MAGI2: variants seen among roughly 807,000 people sequenced by gnomAD.
The protein encoded by MAGI2 is membrane-associated guanylate kinase, WW and PDZ domain-containing protein 2.
In MAGI2, 35 loss-of-function variants were observed where a neutral mutation model predicts 133.3. The ratio of observed to expected loss-of-function variants is 0.26; its 90% CI spans 0.20 to 0.35. MAGI2 has a LOEUF of 0.35. MAGI2 is among the 10% of genes least tolerant of loss of function. MAGI2 has a pLI of 1.00. For synonymous variants in MAGI2, 729 were observed against 710.6 expected (o/e 1.03, Z -0.41); for missense variants, 1,636 against 1,863.4 (o/e 0.88, Z 2.25).
intron 1 of MAGI2, among the ~76,000 whole-genome samples, chr7:79,114,971 G>A (rs971680793): frequency 1.3e-5 from 2 of 152,120 alleles, no homozygotes; most frequent in South Asian, 2.1e-4. Context: ...ATTGCTTCCC[G>A]TTTTTATTAA....
chr7:79,110,179 G>A (rs1248037616), intron 1 of MAGI2, among the ~76,000 whole-genome samples: 1 of 152,084 alleles, frequency 6.6e-6, no homozygotes, highest in Non-Finnish European at 1.5e-5. Context: ...TGCCCAGGCA[G>A]AAGCTTGCTA....
chr7:78,241,170 G>A (rs988913663), intron 10 of MAGI2, among the ~76,000 whole-genome samples: 1 of 151,358 alleles, frequency 6.6e-6, no homozygotes, highest in Non-Finnish European at 1.5e-5. Context: ...AATAAGTCCT[G>A]CAGAGCCAAG....
intron 14 of MAGI2, among the ~76,000 whole-genome samples, chr7:78,171,241 T>C (rs1238252718): frequency 6.6e-6 from 1 of 152,242 alleles, no homozygotes; most frequent in Non-Finnish European, 1.5e-5. Context: ...GACTGGATAA[T>C]CTATGATTGT....
intron 1 of MAGI2, among the ~76,000 whole-genome samples, chr7:79,367,465 G>A (rs1156662796): frequency 6.6e-6 from 1 of 152,112 alleles, no homozygotes; most frequent in Non-Finnish European, 1.5e-5. Context: ...GAGAGTTAAA[G>A]CACAAAGCAT....
chr7:79,033,110 G>A (rs771966174), intron 1 of MAGI2, among the ~76,000 whole-genome samples: 13 of 152,014 alleles, frequency 8.6e-5, no homozygotes, highest in Non-Finnish European at 1.8e-4. Flanking sequence ...TTCTATCTAT[G>A]GAACTCTTCT....
At chr7:78,412,059 T>C (rs1797919090) in intron 6 of MAGI2, among the ~76,000 whole-genome samples, 2 of 152,070 alleles carry the variant, frequency 1.3e-5, no homozygotes, top group Admixed American at 6.6e-5. Flanking sequence ...CTTTAAGGCA[T>C]TGTAAGAGAA....
intron 2 of MAGI2, among the ~76,000 whole-genome samples, chr7:78,888,242 T>G (rs568255993): frequency 6.6e-6 from 1 of 152,286 alleles, no homozygotes; most frequent in South Asian, 2.1e-4. Context: ...AAGCTCGAAT[T>G]GGGTGGAGCC....
rs370058745 is a variant in MAGI2 at position 78,029,877 on chromosome 7, T to C, written c.3707-9901A>G. 5.3e-5 allele frequency among the ~76,000 whole-genome samples: 8 copies of C among 152,312 alleles called. No individual in the cohort carries two copies. In the East Asian group the frequency reaches 1.2e-3, roughly 22 times the overall value. On this transcript the variant is annotated intron_variant, in intron 21 of 21. Coordinates refer to ENST00000354212, the MANE Select transcript of MAGI2 (RefSeq NM_012301.4). Reference sequence around the variant, plus strand: ...GAGATAAAGCACAGGGAAGTTTTGCTGAAGTAAGGGGGTTGGAAGCATCTG... The same window carrying C: ...GAGATAAAGCACAGGGAAGTTTTGCCGAAGTAAGGGGGTTGGAAGCATCTG...
chr7:78,739,452 A>G (rs951693681), intron 2 of MAGI2, among the ~76,000 whole-genome samples: 1 of 152,192 alleles, frequency 6.6e-6, no homozygotes, highest in African/African-American at 2.4e-5. Flanking sequence ...AGGTGCCACT[A>G]CTGAAATGAG....
At chr7:78,258,349 T>C (rs1159659886) in intron 9 of MAGI2, among the ~76,000 whole-genome samples, 1 of 152,200 alleles carries the variant, frequency 6.6e-6, no homozygotes, top group Non-Finnish European at 1.5e-5. Flanking sequence ...TCAGATAGAC[T>C]ATTTTTCTCT....
intron 1 of MAGI2, among the ~76,000 whole-genome samples, chr7:79,067,960 T>C (rs886877206): frequency 2.9e-4 from 44 of 152,204 alleles, no homozygotes; most frequent in African/African-American, 1.0e-3. Flanking sequence ...GAAGCCAACT[T>C]GATCTTGGTG....
chr7:79,397,732 T>A (rs1447286048), intron 1 of MAGI2, among the ~76,000 whole-genome samples: 1 of 152,186 alleles, frequency 6.6e-6, no homozygotes, highest in Non-Finnish European at 1.5e-5. Context: ...TTTCATAAAT[T>A]GCTTCTTCAC....
intron 1 of MAGI2, among the ~76,000 whole-genome samples, chr7:79,303,350 A>T (rs907669934): frequency 2.0e-5 from 3 of 152,208 alleles, no homozygotes; most frequent in Non-Finnish European, 4.4e-5. Context: ...CATACATTCA[A>T]TAATGTTAAA....
chr7:78,210,020 C>G (rs545151770), intron 10 of MAGI2, among the ~76,000 whole-genome samples: 2 of 152,208 alleles, frequency 1.3e-5, no homozygotes, highest in South Asian at 4.1e-4. Flanking sequence ...TGTCTCTGAC[C>G]TTTCATTGTT....
chr7:78,825,960 T>G (rs1305954086), intron 2 of MAGI2, among the ~76,000 whole-genome samples: 3 of 152,226 alleles, frequency 2.0e-5, no homozygotes, highest in East Asian at 3.9e-4. Context: ...TCTCAATAGG[T>G]AAATGGATAA....
chr7:78,559,136 C>CAAAAAAA (rs71085541), intron 3 of MAGI2, among the ~76,000 whole-genome samples: 8 of 54,744 alleles, frequency 1.5e-4, no homozygotes, highest in Non-Finnish European at 2.1e-4. Context: ...TCTGAATTTC[C>CAAAAAAA]AAAAAAAAAA....
intron 2 of MAGI2, among the ~76,000 whole-genome samples, chr7:78,823,346 G>A (rs1790296345): frequency 6.6e-6 from 1 of 152,018 alleles, no homozygotes; most frequent in African/African-American, 2.4e-5. Flanking sequence ...CACTTTGGGA[G>A]GCCGAGGCGG....
chr7:79,346,225 T>C (rs16886548), intron 1 of MAGI2, among the ~76,000 whole-genome samples: 22,703 of 151,926 alleles, frequency 0.15, 1,799 homozygotes, highest in South Asian at 0.26. Flanking sequence ...GCTCACTTCC[T>C]ACTTAATTAA....
chr7:78,536,822 G>A lies in MAGI2; in HGVS notation c.539-15177C>T, dbSNP rs192605421. On this transcript the variant is annotated intron_variant, in intron 3 of 21. Transcript: ENST00000354212. ...GTCGCCCAGGCTGGAGTGCGGTGGC[G>A]CGATCTTGGCTTGCTGGGAATAGGT... is the stretch of plus-strand genomic sequence containing the variant. 3.2e-3 allele frequency among the ~76,000 whole-genome samples: 475 copies of A among 148,888 alleles called. 3 individuals are homozygous for A. The highest frequency in any genetic ancestry group is 5.4e-3 in the Non-Finnish European group (361 of 67,312).
Sources: allele counts gnomAD v4.1 joint callset (sites outside exome capture counted in the v4.1 genomes callset), GRCh38; gene constraint gnomAD v4.1.1; transcripts MANE v1.5; gene names NCBI Gene and HGNC (gene_info 2026-07-23, HGNC 2026-07-21).